UNC5D: variants seen among roughly 807,000 people sequenced by gnomAD.
UNC5D encodes the protein unc-5 netrin receptor D.
Under a neutral mutation model 105.4 loss-of-function variants are expected in UNC5D, and 39 were observed. That is an observed-to-expected ratio of 0.37 (90% CI 0.29 to 0.48). The LOEUF (loss-of-function observed/expected upper bound fraction) is 0.48. Among genes scored for constraint, UNC5D ranks in the 20% least tolerant of loss-of-function variants. UNC5D has a pLI of 0.98. For synonymous variants in UNC5D, 452 were observed against 450.4 expected (o/e 1.00, Z -0.04); for missense variants, 991 against 1,202.4 (o/e 0.82, Z 2.60).
intron 16 of UNC5D, among the ~76,000 whole-genome samples, chr8:35,780,063 G>C (rs906971687): frequency 6.6e-6 from 1 of 152,146 alleles, no homozygotes; most frequent in African/African-American, 2.4e-5. Flanking sequence ...TAGAGGGGAG[G>C]CCGCCACAAT....
intron 13 of UNC5D, among the ~76,000 whole-genome samples, chr8:35,755,503 C>G (rs913001806): frequency 7.1e-6 from 1 of 141,240 alleles, no homozygotes; most frequent in Admixed American, 6.8e-5. Context: ...TGTGTAAGTT[C>G]AAACAGTTTT....
At chr8:35,788,563 A>G (rs946846917) in intron 16 of UNC5D, among the ~76,000 whole-genome samples, 5 of 152,096 alleles carry the variant, frequency 3.3e-5, no homozygotes, top group African/African-American at 9.7e-5. Flanking sequence ...GGAATCAATT[A>G]CTTGGCTGAA....
At chr8:35,654,206 G>A (rs1823596280) in intron 4 of UNC5D, among the ~76,000 whole-genome samples, 2 of 152,150 alleles carry the variant, frequency 1.3e-5, no homozygotes, top group Non-Finnish European at 2.9e-5. Flanking sequence ...GATAAATCCT[G>A]TAATGGTAAA....
intron 1 of UNC5D, among the ~76,000 whole-genome samples, chr8:35,305,565 T>TCCTTTCTTTCTTTC (rs1563297532): frequency 1.0e-4 from 2 of 19,700 alleles, no homozygotes; most frequent in African/African-American, 2.6e-4. Context: ...CTTCCTTCCT[T>TCCTTTCTTTCTTTC]TCTTTCTTTC....
intron 1 of UNC5D, among the ~76,000 whole-genome samples, chr8:35,408,542 G>C (rs1473418009): frequency 6.6e-6 from 1 of 151,172 alleles, no homozygotes; most frequent in Non-Finnish European, 1.5e-5. Flanking sequence ...CTATGAAACT[G>C]TTTTCTGCTG....
chr8:35,444,541 ACTTT>A (rs1387563991), intron 1 of UNC5D, among the ~76,000 whole-genome samples: 1 of 152,024 alleles, frequency 6.6e-6, no homozygotes, highest in Non-Finnish European at 1.5e-5. Context: ...AGAAACACAC[ACTTT>A]CTCTCTCTCT....
At chr8:35,530,349 TA>T (rs1814253625) in intron 1 of UNC5D, among the ~76,000 whole-genome samples, 1 of 88,422 alleles carries the variant, frequency 1.1e-5, no homozygotes, top group East Asian at 3.5e-4. Context: ...GGATTACATT[TA>T]TTGATTTGCG....
At chr8:35,682,496 A>C (rs1373150028) in intron 4 of UNC5D, among the ~76,000 whole-genome samples, 2 of 152,330 alleles carry the variant, frequency 1.3e-5, no homozygotes, top group African/African-American at 4.8e-5. Context: ...TGTTTTACCT[A>C]TGCTGATAAC....
At chr8:35,574,470 G>A (rs947339480) in intron 3 of UNC5D, among the ~76,000 whole-genome samples, 1 of 152,148 alleles carries the variant, frequency 6.6e-6, no homozygotes, top group African/African-American at 2.4e-5. Flanking sequence ...ATTGTGCCAA[G>A]AAGGAGTAAA....
chr8:35,496,926 G>T (rs761752841), intron 1 of UNC5D, among the ~76,000 whole-genome samples: 2 of 152,176 alleles, frequency 1.3e-5, no homozygotes, highest in East Asian at 3.9e-4. Context: ...AGGCACACGT[G>T]TAGGGGAGAA....
intron 3 of UNC5D, among the ~76,000 whole-genome samples, chr8:35,592,527 C>T (rs1047982098): frequency 1.3e-5 from 2 of 152,184 alleles, no homozygotes; most frequent in Non-Finnish European, 2.9e-5. Flanking sequence ...TGGTGAGAAT[C>T]ATAGCTATAC....
At position 35,783,520 on chromosome 8, in the gene UNC5D, ACGCTGAGCTGGG is replaced by A. The variant is rs529858980; in HGVS notation, c.2658-6836_2658-6825del. On this transcript the variant is annotated intron_variant, in intron 16 of 16. Coordinates refer to ENST00000404895, the MANE Select transcript of UNC5D (RefSeq NM_080872.4). Reference sequence around the variant, plus strand: ...AAAGTGAGGCCCTTACAGACTCAGAACGCTGAGCTGGGCGGACTCCAGCTGGAAGTGCAAGGT... The same window carrying A: ...AAAGTGAGGCCCTTACAGACTCAGAACGGACTCCAGCTGGAAGTGCAAGGT... Among the ~76,000 whole-genome samples, 208 of 152,266 alleles carry A rather than the reference ACGCTGAGCTGGG, an allele frequency of 1.4e-3. 2 individuals carry two copies. The highest frequency in any genetic ancestry group is 6.8e-3 in the Middle Eastern group (2 of 294).
intron 1 of UNC5D, among the ~76,000 whole-genome samples, chr8:35,307,204 C>T (rs1045457240): frequency 6.6e-5 from 10 of 152,162 alleles, no homozygotes; most frequent in African/African-American, 2.4e-4. Flanking sequence ...TCCTGAACTG[C>T]ATGTGGTCCA....
intron 1 of UNC5D, among the ~76,000 whole-genome samples, chr8:35,394,606 T>A (rs1426086438): frequency 9.9e-5 from 15 of 150,834 alleles, no homozygotes; most frequent in African/African-American, 2.9e-4. Flanking sequence ...AAAAAAAAAA[T>A]TAGGAAGCCT....
intron 1 of UNC5D, among the ~76,000 whole-genome samples, chr8:35,389,845 A>G (rs536414262): frequency 6.6e-6 from 1 of 152,286 alleles, no homozygotes; most frequent in African/African-American, 2.4e-5. Flanking sequence ...GAGTTAATCT[A>G]CATAGTCATA....
At chr8:35,283,627 C>A (rs531175166) in intron 1 of UNC5D, among the ~76,000 whole-genome samples, 3 of 151,690 alleles carry the variant, frequency 2.0e-5, no homozygotes, top group Non-Finnish European at 4.4e-5. Flanking sequence ...AACCCTGTCT[C>A]TCCTAAAAAT....
At chr8:35,639,857 A>G (rs1822602694) in intron 4 of UNC5D, among the ~76,000 whole-genome samples, 2 of 151,466 alleles carry the variant, frequency 1.3e-5, no homozygotes, top group African/African-American at 4.9e-5. Context: ...CAATCCTTCC[A>G]CCTATAGGCA....
At chr8:35,519,960 C>T (rs953909217) in intron 1 of UNC5D, among the ~76,000 whole-genome samples, 4 of 152,072 alleles carry the variant, frequency 2.6e-5, no homozygotes, top group Non-Finnish European at 5.9e-5. Flanking sequence ...TCATACATTG[C>T]TGGTGGAAAT....
intron 7 of UNC5D, among the ~76,000 whole-genome samples, chr8:35,687,974 C>CA (rs569319112): frequency 1.6e-4 from 24 of 151,328 alleles, no homozygotes; most frequent in Non-Finnish European, 2.2e-4. Context: ...ACTAAAAATA[C>CA]AAAAAAAATT....
Sources: allele counts gnomAD v4.1 joint callset (sites outside exome capture counted in the v4.1 genomes callset), GRCh38; gene constraint gnomAD v4.1.1; transcripts MANE v1.5; gene names NCBI Gene and HGNC (gene_info 2026-07-23, HGNC 2026-07-21).